Variants in VPS13C observed in about 807,000 individuals in gnomAD.
VPS13C encodes the protein intermembrane lipid transfer protein VPS13C.
A neutral mutation model predicts 456.8 loss-of-function variants in VPS13C; 358 were observed. The ratio of observed to expected loss-of-function variants is 0.78; its 90% confidence interval spans 0.72 to 0.86. VPS13C has a LOEUF of 0.86. Ranked by LOEUF, VPS13C falls within the 40% of genes least tolerant of loss-of-function variation. The pLI is 0.00. For synonymous variants in VPS13C, 1,578 were observed against 1,486.7 expected (o/e 1.06, Z -1.41); for missense variants, 4,818 against 4,385.4 (o/e 1.10, Z -2.79).
At chr15:62,005,039 G>A (rs533072630) in intron 15 of VPS13C, among the ~76,000 whole-genome samples, 6 of 151,804 alleles carry the variant, frequency 4.0e-5, no homozygotes, top group South Asian at 2.1e-4. Flanking sequence ...TATTAGGTCC[G>A]CTTGGTGCAG....
At chr15:61,865,839 T>C (rs1894544937) in intron 81 of VPS13C, 1 of 916,088 alleles carries the variant, frequency 1.1e-6, no homozygotes, top group Non-Finnish European at 1.3e-6. Flanking sequence ...AGTAGAATAG[T>C]ACATCTCATG....
At chr15:61,937,725 C>T (rs527628988) in intron 47 of VPS13C, among the ~76,000 whole-genome samples, 3 of 152,298 alleles carry the variant, frequency 2.0e-5, no homozygotes, top group East Asian at 3.9e-4. Flanking sequence ...CCAACCGCCT[C>T]GGCCTCCCAA....
At chr15:61,856,687 C>CTTTT (rs542779595) in intron 82 of VPS13C, 577 of 114,630 alleles carry the variant, frequency 5.0e-3, no homozygotes, top group Non-Finnish European at 6.3e-3. Flanking sequence ...TTTTTCTTTT[C>CTTTT]TTTTTTTTTT....
At chr15:62,042,780 G>A (rs1476557298) in intron 2 of VPS13C, among the ~76,000 whole-genome samples, 1 of 151,932 alleles carries the variant, frequency 6.6e-6, no homozygotes, top group Non-Finnish European at 1.5e-5. Flanking sequence ...TAAATTACAG[G>A]GGGAAGGGAT....
At chr15:61,971,626 C>G (rs959233122) in intron 27 of VPS13C, among the ~76,000 whole-genome samples, 2 of 152,164 alleles carry the variant, frequency 1.3e-5, no homozygotes, top group African/African-American at 4.8e-5. Flanking sequence ...GAAGCAAAGA[C>G]AGTTAAGAGG....
At chr15:61,922,083 A>C in intron 54 of VPS13C, 50 bp from the exon 55 acceptor site, 1 of 1,565,870 alleles carries the variant, frequency 6.4e-7, no homozygotes, top group Non-Finnish European at 8.8e-7. Flanking sequence ...CTTTAATTAC[A>C]TATTTCTGTA....
chr15:61,995,345 G>A (rs528354947), intron 16 of VPS13C, among the ~76,000 whole-genome samples: 1 of 152,268 alleles, frequency 6.6e-6, no homozygotes, highest in East Asian at 1.9e-4. Flanking sequence ...TTTCCATGAC[G>A]TTTGTTTTTC....
In VPS13C at chr15:61,900,644, T is replaced by A. The variant is rs866128181; in HGVS notation, c.9105+6620A>T. ...CAAATGGAAGAACATTCCATGCTCA[T>A]GGGTAGGAAGAATCAATATCGTGAA... On this transcript the variant is annotated intron_variant, in intron 66 of 84. Transcript: ENST00000644861. Among the ~76,000 whole-genome samples, 758 of 151,330 alleles carry A rather than the reference T, an allele frequency of 5.0e-3. 8 individuals are homozygous for A. Among genetic ancestry groups the A allele is most frequent in the African/African-American group, 0.017 (719 of 41,156 alleles).
At chr15:61,992,184 T>G (rs992146900) in intron 16 of VPS13C, among the ~76,000 whole-genome samples, 13 of 152,178 alleles carry the variant, frequency 8.5e-5, no homozygotes, top group Non-Finnish European at 1.8e-4. Flanking sequence ...AAAGTATTAA[T>G]TTAAAACAAT....
chr15:61,945,803 G>A lies in VPS13C; in HGVS notation c.5060C>T (p.Ala1687Val), dbSNP rs114089496. 5,033 of 1,613,456 alleles carry A rather than the reference G, an allele frequency of 3.1e-3. 30 individuals are homozygous for A. The highest frequency in any genetic ancestry group is 0.011 in the South Asian group (1,028 of 90,984). Residue 1687 changes from alanine (A) to valine (V), a missense_variant, in exon 45 of 85, where the codon GCT becomes GTT. Coordinates refer to ENST00000644861, the MANE Select transcript of VPS13C (RefSeq NM_020821.3). ...TTTGCCGTCTACTTTGGACATATCA[G>A]CATAGGCCTCTCCTTCTGTGGCATC... ...YPDATEGEAY[A>V]DMSKVDGKLS...
intron 3 of VPS13C, among the ~76,000 whole-genome samples, chr15:62,040,120 CTT>C (rs1183882487): frequency 1.3e-5 from 2 of 152,076 alleles, no homozygotes; most frequent in Non-Finnish European, 2.9e-5. Flanking sequence ...AATAGACAAG[CTT>C]CACATGTTCT....
intron 66 of VPS13C, among the ~76,000 whole-genome samples, chr15:61,894,553 G>T (rs1186742844): frequency 1.3e-5 from 2 of 150,880 alleles, no homozygotes; most frequent in Non-Finnish European, 2.9e-5. Context: ...CCACACAAAT[G>T]GAAACCAAGA....
chr15:61,949,733 GAACTCACTATT>G (rs2044723928), intron 41 of VPS13C, 128 bp from the exon 42 acceptor site: 2 of 806,086 alleles, frequency 2.5e-6, no homozygotes, highest in Non-Finnish European at 3.7e-6. Flanking sequence ...ATTTTTTTAA[GAACTCACTATT>G]AACTCACTAT....
At chr15:62,017,980 T>A (rs913655670) in intron 9 of VPS13C, among the ~76,000 whole-genome samples, 1 of 152,190 alleles carries the variant, frequency 6.6e-6, no homozygotes, top group Non-Finnish European at 1.5e-5. Context: ...GGTTTGTAGT[T>A]CTCCTTGAAG....
chr15:61,915,483 C>T, intron 61 of VPS13C, 150 bp downstream of exon 61: 2 of 820,306 alleles, frequency 2.4e-6, no homozygotes, highest in Non-Finnish European at 3.6e-6. Flanking sequence ...CCTAACATCC[C>T]ACTTGATTAC....
At chr15:61,922,794 A>G in intron 53 of VPS13C, 32 bp from the exon 54 acceptor site, 1 of 1,510,892 alleles carries the variant, frequency 6.6e-7, no homozygotes, top group Non-Finnish European at 8.8e-7. Flanking sequence ...AATATTTATA[A>G]TAAATTCTTT....
intron 32 of VPS13C, among the ~76,000 whole-genome samples, chr15:61,963,101 T>A (rs2045266025): frequency 6.6e-6 from 1 of 152,134 alleles, no homozygotes; most frequent in African/African-American, 2.4e-5. Flanking sequence ...ATAGATTATC[T>A]CAGGATTTAA....
intron 47 of VPS13C, 150 bp downstream of exon 47, chr15:61,940,497 T>TA (rs2140254569): frequency 1.6e-6 from 1 of 612,854 alleles, no homozygotes; most frequent in South Asian, 5.9e-5. Context: ...AAAGTACACA[T>TA]ACAACAGACA....
chr15:61,898,342 T>C (rs936265617), intron 66 of VPS13C, among the ~76,000 whole-genome samples: 4 of 152,050 alleles, frequency 2.6e-5, no homozygotes, highest in East Asian at 1.9e-4. Context: ...ATCAGTGTGC[T>C]GTATTCAGGA....
Sources: allele counts gnomAD v4.1 joint callset (sites outside exome capture counted in the v4.1 genomes callset), GRCh38; gene constraint gnomAD v4.1.1; transcripts MANE v1.5; gene names NCBI Gene and HGNC (gene_info 2026-07-23, HGNC 2026-07-21).